Variants in CDH20 observed in about 807,000 individuals in gnomAD.
The protein encoded by CDH20 is cadherin 20.
CDH20 carries 29 observed loss-of-function variants against 74.2 expected under a neutral mutation model. The ratio of observed to expected loss-of-function variants is 0.39; its 90% CI spans 0.29 to 0.53. The LOEUF is 0.53. CDH20 is among the 20% of genes least tolerant of loss of function. The probability of loss-of-function intolerance (pLI) is 0.69; values close to 1 mark genes in which losing one functional copy is unlikely to be tolerated. For missense variants in CDH20, 988 were observed against 1,048.3 expected (o/e 0.94, Z 0.79); for synonymous variants, 469 against 405.4 (o/e 1.16, Z -1.88).
intron 1 of CDH20, among the ~76,000 whole-genome samples, chr18:61,357,502 G>C (rs1411347299): frequency 6.6e-6 from 1 of 152,140 alleles, no homozygotes; most frequent in Non-Finnish European, 1.5e-5. Flanking sequence ...TTTTTGCTCT[G>C]CTCTACTTAG....
At chr18:61,489,552 A>G (rs665661) in intron 1 of CDH20, among the ~76,000 whole-genome samples, 150,055 of 151,258 alleles carry the variant, frequency 0.99, 74,447 homozygotes, top group Middle Eastern at 1. Context: ...AAATGTGACC[A>G]CATAGCAACA....
At chr18:61,538,588 G>GTTTTTTTTTTTTTTTTTTTT (rs1265851069) in intron 8 of CDH20, among the ~76,000 whole-genome samples, 1 of 55,124 alleles carries the variant, frequency 1.8e-5, no homozygotes. Flanking sequence ...CTTTTTGTTT[G>GTTTTTTTTTTTTTTTTTTTT]TTTGTTTGTT....
At chr18:61,491,527 G>A (rs1275910901) in intron 2 of CDH20, among the ~76,000 whole-genome samples, 1 of 152,162 alleles carries the variant, frequency 6.6e-6, no homozygotes, top group African/African-American at 2.4e-5. Flanking sequence ...ATGGGTTTCA[G>A]ATTCAAACAC....
chr18:61,350,672 C>CT (rs1270615032), intron 1 of CDH20, among the ~76,000 whole-genome samples: 1 of 152,180 alleles, frequency 6.6e-6, no homozygotes, highest in Non-Finnish European at 1.5e-5. Flanking sequence ...CCATAGTCGT[C>CT]TATTTCTTGC....
intron 1 of CDH20, among the ~76,000 whole-genome samples, chr18:61,481,577 G>C (rs1428835635): frequency 6.6e-6 from 1 of 152,022 alleles, no homozygotes; most frequent in Non-Finnish European, 1.5e-5. Context: ...TGAGATTTTT[G>C]GTTTGTTTTG....
At chr18:61,511,183 GTCTC>G (rs1224607646) in intron 6 of CDH20, among the ~76,000 whole-genome samples, 2 of 150,502 alleles carry the variant, frequency 1.3e-5, no homozygotes, top group East Asian at 4.0e-4. Flanking sequence ...TTGAGACAGG[GTCTC>G]TCTCTGTCAC....
intron 1 of CDH20, among the ~76,000 whole-genome samples, chr18:61,485,629 G>C (rs907216729): frequency 2.5e-4 from 38 of 152,298 alleles, no homozygotes; most frequent in African/African-American, 8.7e-4. Context: ...CCTCAAAAAT[G>C]CACTTAGAAG....
chr18:61,545,552 A>G (rs973604227), intron 10 of CDH20, among the ~76,000 whole-genome samples: 5 of 152,166 alleles, frequency 3.3e-5, no homozygotes, highest in African/African-American at 1.2e-4. Flanking sequence ...CAGAGGCAAA[A>G]TCCTTCATTC....
intron 1 of CDH20, among the ~76,000 whole-genome samples, chr18:61,422,772 A>C (rs1159048061): frequency 6.6e-6 from 1 of 150,966 alleles, no homozygotes; most frequent in African/African-American, 2.4e-5. Context: ...TATATTTATA[A>C]ATATATACTT....
chr18:61,488,996 G>A (rs1344960993), intron 1 of CDH20, among the ~76,000 whole-genome samples: 1 of 152,160 alleles, frequency 6.6e-6, no homozygotes, highest in Non-Finnish European at 1.5e-5. Context: ...CAAACCCATT[G>A]CCCTCAATGA....
chr18:61,542,588 A>G (rs931270606), intron 9 of CDH20, among the ~76,000 whole-genome samples: 1 of 152,198 alleles, frequency 6.6e-6, no homozygotes, highest in Non-Finnish European at 1.5e-5. Flanking sequence ...TAGTCACTGG[A>G]TGTCGCCCTG....
At chr18:61,493,505 C>G (rs972208218) in intron 2 of CDH20, among the ~76,000 whole-genome samples, 6 of 152,174 alleles carry the variant, frequency 3.9e-5, no homozygotes, top group Admixed American at 6.5e-5. Context: ...AGCCCTCGTG[C>G]ACAATTTCTC....
chr18:61,459,109 A>G (rs1909680726), intron 1 of CDH20, among the ~76,000 whole-genome samples: 1 of 152,200 alleles, frequency 6.6e-6, no homozygotes, highest in African/African-American at 2.4e-5. Context: ...CTTTGGTCGT[A>G]TTATTATCAT....
chr18:61,477,642 A>AT (rs993770860), intron 1 of CDH20, among the ~76,000 whole-genome samples: 26 of 152,194 alleles, frequency 1.7e-4, no homozygotes, highest in South Asian at 6.2e-4. Context: ...GCTTACACTG[A>AT]TTTTTTGCTC....
chr18:61,525,291 T>C (rs1912354391), intron 6 of CDH20, among the ~76,000 whole-genome samples: 1 of 152,144 alleles, frequency 6.6e-6, no homozygotes, highest in East Asian at 1.9e-4. Context: ...ACATACAAAT[T>C]TCACACAAAA....
chr18:61,350,746 T>C (rs188173133), intron 1 of CDH20, among the ~76,000 whole-genome samples: 55 of 152,306 alleles, frequency 3.6e-4, no homozygotes, highest in Non-Finnish European at 4.7e-4. Flanking sequence ...AAGCAATGAC[T>C]CAGAAATTTG....
intron 1 of CDH20, among the ~76,000 whole-genome samples, chr18:61,408,599 G>A (rs1461037842): frequency 6.6e-6 from 1 of 152,144 alleles, no homozygotes; most frequent in African/African-American, 2.4e-5. Flanking sequence ...CTATGTACAA[G>A]GTACAACCAT....
rs1305737786 is a variant in CDH20 at position 61,418,716 on chromosome 18, A to T, written c.-152-71686A>T. On this transcript the variant is annotated intron_variant, in intron 1 of 11. Coordinates refer to ENST00000262717, the MANE Select transcript of CDH20 (RefSeq NM_031891.4). The stretch of plus-strand genomic sequence containing the variant: ...ATTCACTCAGTTTTATTTATTTATA[A>T]CTTCCACTTATTGGTTCTTATAGAG... Among the ~76,000 whole-genome samples, 3 of 152,122 alleles carry T rather than the reference A, an allele frequency of 2.0e-5. No individual in the cohort carries two copies. The East Asian group carries it at 5.8e-4, about 29-fold the overall frequency.
At chr18:61,452,074 T>A (rs1909408858) in intron 1 of CDH20, among the ~76,000 whole-genome samples, 1 of 152,116 alleles carries the variant, frequency 6.6e-6, no homozygotes, top group Non-Finnish European at 1.5e-5. Flanking sequence ...GTGCTGGTTA[T>A]TCCAGATGAA....
Sources: allele counts gnomAD v4.1 joint callset (sites outside exome capture counted in the v4.1 genomes callset), GRCh38; gene constraint gnomAD v4.1.1; transcripts MANE v1.5; gene names NCBI Gene and HGNC (gene_info 2026-07-23, HGNC 2026-07-21).